The following CSGALNACT1 variants were observed in gnomAD, a reference collection of about 807,000 sequenced individuals.
CSGALNACT1 encodes the protein beta4GalNAcT-1.
CSGALNACT1 carries 52 observed loss-of-function variants against 51.0 expected under a neutral mutation model. That is an observed-to-expected ratio of 1.02 (90% CI 0.82 to 1.29). The LOEUF (loss-of-function observed/expected upper bound fraction) is 1.29. CSGALNACT1 is among the 50% of genes most tolerant of loss of function. CSGALNACT1 has a pLI of 0.00. For synonymous variants in CSGALNACT1, 341 were observed against 254.4 expected, an observed-to-expected ratio of 1.34 and a Z score of -3.24; for missense variants, 935 against 679.2, an observed-to-expected ratio of 1.38 and a Z score of -4.19.
At chr8:19,616,684 C>T (rs1201609966) in intron 1 of CSGALNACT1, among the ~76,000 whole-genome samples, 1 of 150,312 alleles carries the variant, frequency 6.7e-6, no homozygotes, top group Non-Finnish European at 1.5e-5. Flanking sequence ...CCCCCTCATT[C>T]TCTCTCTCTC....
Position 19,439,740 on chromosome 8 carries a change from A to T in CSGALNACT1, c.953+90T>A, listed in dbSNP as rs141104162. 31 of 1,009,414 alleles carry T rather than the reference A, an allele frequency of 3.1e-5. No homozygotes were observed. The African/African-American group carries it at 4.6e-4, about 15-fold the overall frequency. The allele number at this position is 1,009,414 out of a possible 1,614,324, so 62.5% of individuals were successfully genotyped here. A position where few individuals can be genotyped will look rare whatever the true frequency, so the allele number is the denominator to read the frequency against. Reference sequence around the variant, plus strand: ...CCCAGTTCACCCACAGTGTAAAGGAAAATAAAATTAAGCAGAAGTTTCAGC... The same window carrying T: ...CCCAGTTCACCCACAGTGTAAAGGATAATAAAATTAAGCAGAAGTTTCAGC... On this transcript the variant is annotated intron_variant, in intron 6 of 9. Transcript: ENST00000454498.
chr8:19,719,725 G>A (rs192198814), intron 1 of CSGALNACT1, among the ~76,000 whole-genome samples: 166 of 152,288 alleles, frequency 1.1e-3, no homozygotes, highest in Admixed American at 2.0e-3. Flanking sequence ...TCATTTCTAC[G>A]TGGGAGGATG....
chr8:19,748,100 T>C (rs2064797278), intron 1 of CSGALNACT1, among the ~76,000 whole-genome samples: 1 of 152,214 alleles, frequency 6.6e-6, no homozygotes. Flanking sequence ...AAAGGTAACC[T>C]GGAAATTTTA....
At chr8:19,718,675 CA>C (rs2062949355) in intron 1 of CSGALNACT1, among the ~76,000 whole-genome samples, 1 of 152,154 alleles carries the variant, frequency 6.6e-6, no homozygotes, top group African/African-American at 2.4e-5. Flanking sequence ...CGGCCCAAAA[CA>C]TTACCCAGTT....
intron 5 of CSGALNACT1, among the ~76,000 whole-genome samples, chr8:19,443,149 C>T (rs922565416): frequency 1.3e-5 from 2 of 152,164 alleles, no homozygotes; most frequent in African/African-American, 4.8e-5. Flanking sequence ...TTGTGTTTTG[C>T]CCATGTCCTG....
At chr8:19,515,155 C>G (rs1240108686) in intron 3 of CSGALNACT1, among the ~76,000 whole-genome samples, 1 of 152,114 alleles carries the variant, frequency 6.6e-6, no homozygotes, top group Non-Finnish European at 1.5e-5. Flanking sequence ...GTCTCTATCT[C>G]AGGTCCCTAG....
chr8:19,522,439 T>C (rs1343936068), intron 3 of CSGALNACT1, among the ~76,000 whole-genome samples: 1 of 152,212 alleles, frequency 6.6e-6, no homozygotes, highest in East Asian at 1.9e-4. Flanking sequence ...ATAGTAAATT[T>C]GAAAAACTCT....
chr8:19,499,236 TAC>T (rs1388226171), intron 4 of CSGALNACT1, among the ~76,000 whole-genome samples: 1 of 152,222 alleles, frequency 6.6e-6, no homozygotes, highest in Non-Finnish European at 1.5e-5. Flanking sequence ...GCCCCTTTAT[TAC>T]AGTCACAAAA....
intron 3 of CSGALNACT1, among the ~76,000 whole-genome samples, chr8:19,541,023 T>C (rs1024013655): frequency 1.3e-5 from 2 of 152,130 alleles, no homozygotes; most frequent in Non-Finnish European, 2.9e-5. Flanking sequence ...TTTATCACCT[T>C]CACTATAAAT....
intron 3 of CSGALNACT1, among the ~76,000 whole-genome samples, chr8:19,578,450 G>C (rs1287782572): frequency 6.6e-6 from 1 of 152,160 alleles, no homozygotes; most frequent in Non-Finnish European, 1.5e-5. Context: ...CTTGCGTGTG[G>C]AGTGAATCAT....
intron 3 of CSGALNACT1, among the ~76,000 whole-genome samples, chr8:19,539,623 C>T (rs150521182): frequency 1.3e-5 from 2 of 152,204 alleles, no homozygotes; most frequent in African/African-American, 4.8e-5. Flanking sequence ...GTATACTTTC[C>T]AGATTAAAGG....
intron 1 of CSGALNACT1, among the ~76,000 whole-genome samples, chr8:19,644,121 A>G (rs991554328): frequency 9.2e-5 from 14 of 152,176 alleles, no homozygotes; most frequent in African/African-American, 3.4e-4. Flanking sequence ...ATGAGTTTTT[A>G]ATAGAAAATT....
intron 3 of CSGALNACT1, among the ~76,000 whole-genome samples, chr8:19,588,198 A>AT (rs202007583): frequency 0.01 from 1,540 of 152,030 alleles, 28 homozygotes; most frequent in African/African-American, 0.035. Flanking sequence ...CCTGTCCCCC[A>AT]TCCCCTCAGC....
intron 1 of CSGALNACT1, among the ~76,000 whole-genome samples, chr8:19,733,299 C>T (rs971538481): frequency 6.6e-6 from 1 of 152,200 alleles, no homozygotes; most frequent in East Asian, 1.9e-4. Flanking sequence ...TTGGAACTTG[C>T]TCCTTGTGGT....
At chr8:19,690,672 G>C (rs1293583471) in intron 1 of CSGALNACT1, among the ~76,000 whole-genome samples, 2 of 152,214 alleles carry the variant, frequency 1.3e-5, no homozygotes, top group African/African-American at 4.8e-5. Flanking sequence ...CACATTTGCA[G>C]TTTGCAGATG....
At chr8:19,415,849 G>A (rs577383870) in intron 8 of CSGALNACT1, among the ~76,000 whole-genome samples, 1 of 152,308 alleles carries the variant, frequency 6.6e-6, no homozygotes, top group South Asian at 2.1e-4. Context: ...GGGAAAGGAA[G>A]CGAGAAGTTT....
chr8:19,656,999 G>T (rs989854947), intron 1 of CSGALNACT1, among the ~76,000 whole-genome samples: 9 of 150,698 alleles, frequency 6.0e-5, no homozygotes, highest in Admixed American at 5.9e-4. Context: ...GGAGGCAGAG[G>T]TTGCAGTGAG....
intron 4 of CSGALNACT1, among the ~76,000 whole-genome samples, chr8:19,466,722 G>A (rs140918568): frequency 9.9e-4 from 150 of 152,242 alleles, no homozygotes; most frequent in Middle Eastern, 6.8e-3. Flanking sequence ...ACGCTAGAAG[G>A]CAAATCACTC....
intron 1 of CSGALNACT1, among the ~76,000 whole-genome samples, chr8:19,625,494 A>C (rs2054332533): frequency 6.6e-6 from 1 of 152,194 alleles, no homozygotes. Context: ...TTATCATCCC[A>C]GGTTTCTCAA....
Sources: allele counts gnomAD v4.1 joint callset (sites outside exome capture counted in the v4.1 genomes callset), GRCh38; gene constraint gnomAD v4.1.1; transcripts MANE v1.5; gene names NCBI Gene and HGNC (gene_info 2026-07-23, HGNC 2026-07-21).